Variants in DDX27 observed in about 807,000 individuals in gnomAD.
DDX27 encodes the protein DEAD-box helicase 27, also known as probable ATP-dependent RNA helicase DDX27.
DDX27 carries 42 observed loss-of-function variants against 99.3 expected under a neutral mutation model. The observed-to-expected ratio is 0.42, with a 90% CI of 0.33 to 0.55. The LOEUF is 0.55. Among genes scored for constraint, DDX27 ranks in the 20% least tolerant of loss-of-function variants. The pLI is 0.07. For synonymous variants in DDX27, 329 were observed against 353.8 expected, an observed-to-expected ratio of 0.93 and a Z score of 0.79; for missense variants, 798 against 976.8, an observed-to-expected ratio of 0.82 and a Z score of 2.44.
chr20:49,239,174 C>A, intron 15 of DDX27, 62 bp from the exon 16 acceptor site: 2 of 1,556,602 alleles, frequency 1.3e-6, no homozygotes, highest in Non-Finnish European at 1.8e-6. Context: ...ATTTGCAGCC[C>A]GTGGCTTCCT....
rs1416215962 is a variant in DDX27, at chr20:49,234,948, G to T, written c.1287G>T (p.Arg429Ser). The T allele has an allele frequency of 5.0e-6, 8 of 1,603,934 alleles. No individual in the cohort carries two copies. Among genetic ancestry groups the T allele is most frequent in the Non-Finnish European group, 6.8e-6 (8 of 1,174,428 alleles). Residue 429 changes from arginine (R) to serine (S), a missense_variant, in exon 12 of 21, where the codon AGG (arginine) becomes AGT (serine). Physicochemically the swap from Arg to Ser is moderately radical, Grantham distance 110. Coordinates refer to ENST00000618172, the MANE Select transcript of DDX27 (RefSeq NM_017895.8). The stretch of plus-strand genomic sequence containing the variant: ...TCTTCCTGCCAGCTTTGTTGACGAG[G>T]ACCTTCACTGACCATGTGATGCTGT... ...REAIVAALLT[R>S]TFTDHVMLFT...
At chr20:49,241,821 G>A (rs773672521) in intron 16 of DDX27, 72 bp from the exon 17 acceptor site, 26 of 1,502,226 alleles carry the variant, frequency 1.7e-5, no homozygotes, top group Middle Eastern at 1.7e-4. Context: ...AATTGAAAAC[G>A]TGCACTTCTT....
chr20:49,226,857 C>CTT lies in DDX27; in HGVS notation c.706+344_706+345dup, dbSNP rs36048579. Among the ~76,000 whole-genome samples the CTT allele has an allele frequency of 5.9e-3, 373 of 63,434 alleles. 19 individuals carry two copies. Among genetic ancestry groups the CTT allele is most frequent in the African/African-American group, 0.011 (177 of 15,428 alleles). 41.6% of individuals were successfully genotyped at this position (63,434 alleles called of 152,430 possible). ...CTGGTGCAATTGAGAGAGTAAAGGA[C>CTT]TTTTTTTTTTTTTTTTTTTTTTTGA... On this transcript the variant is annotated intron_variant, in intron 7 of 20. Transcript: ENST00000618172.
At chr20:49,233,035 T>C (rs1352626180) in intron 9 of DDX27, among the ~76,000 whole-genome samples, 1 of 152,052 alleles carries the variant, frequency 6.6e-6, no homozygotes, top group Non-Finnish European at 1.5e-5. Flanking sequence ...GTTGATGAAG[T>C]TGTGTTTCTG....
intron 3 of DDX27, 35 bp downstream of exon 3, chr20:49,223,051 G>A (rs1308927001): frequency 1.9e-6 from 3 of 1,589,928 alleles, no homozygotes; most frequent in African/African-American, 1.3e-5. Flanking sequence ...CGTTGTTAGG[G>A]CCCACTCTTT....
chr20:49,229,919 TG>T (rs1281419771), intron 8 of DDX27, among the ~76,000 whole-genome samples: 3 of 152,130 alleles, frequency 2.0e-5, no homozygotes, highest in Non-Finnish European at 4.4e-5. Context: ...GTGCTGGGAT[TG>T]ATTACAGGCA....
At chr20:49,226,034 G>A (rs1395453767) in intron 6 of DDX27, among the ~76,000 whole-genome samples, 1 of 152,076 alleles carries the variant, frequency 6.6e-6, no homozygotes. Flanking sequence ...AATCTTTTGG[G>A]GTGCTCTCTA....
At chr20:49,223,130 C>A in intron 3 of DDX27, 114 bp downstream of exon 3, 1 of 1,356,612 alleles carries the variant, frequency 7.4e-7, no homozygotes, top group Non-Finnish European at 1.0e-6. Context: ...GGCAGGCGCA[C>A]TCTTCTGTGT....
chr20:49,226,964 G>A (rs1243626537), intron 7 of DDX27, among the ~76,000 whole-genome samples: 3 of 141,932 alleles, frequency 2.1e-5, no homozygotes, highest in African/African-American at 7.9e-5. Flanking sequence ...CCGGGTTCAC[G>A]CCATTCTCCT....
intron 20 of DDX27, 43 bp from the exon 21 acceptor site, chr20:49,243,773 C>T: frequency 6.2e-7 from 1 of 1,614,098 alleles, no homozygotes; most frequent in Non-Finnish European, 8.5e-7. Flanking sequence ...GGAAAAGAAG[C>T]TTCTCCATCC....
intron 6 of DDX27, among the ~76,000 whole-genome samples, chr20:49,225,820 TC>T (rs1436648407): frequency 6.6e-6 from 1 of 152,060 alleles, no homozygotes; most frequent in Non-Finnish European, 1.5e-5. Context: ...CTTCAGTACT[TC>T]CCAGTCTCAC....
chr20:49,219,571 C>G (rs1979554577), intron 1 of DDX27, 30 bp downstream of exon 1: 1 of 1,570,010 alleles, frequency 6.4e-7, no homozygotes, highest in Non-Finnish European at 8.7e-7. Context: ...CTTTGGGTTT[C>G]CTTGACTGCT....
chr20:49,239,171 G>A, intron 15 of DDX27, 65 bp from the exon 16 acceptor site: 1 of 1,555,772 alleles, frequency 6.4e-7, no homozygotes, highest in Non-Finnish European at 8.9e-7. Context: ...GGCATTTGCA[G>A]CCCGTGGCTT....
intron 11 of DDX27, 55 bp from the exon 12 acceptor site, chr20:49,234,880 C>G: frequency 6.5e-7 from 1 of 1,534,994 alleles, no homozygotes; most frequent in Non-Finnish European, 8.8e-7. Flanking sequence ...GGAGGGGGTA[C>G]ATGTTGAATA....
At chr20:49,243,134 C>G (rs546604356) in intron 19 of DDX27, among the ~76,000 whole-genome samples, 2 of 152,248 alleles carry the variant, frequency 1.3e-5, no homozygotes, top group African/African-American at 2.4e-5. Flanking sequence ...CTGTTCTCCA[C>G]CCCCCACCCC....
chr20:49,239,108 C>T lies in DDX27; in HGVS notation c.1794+53C>T, dbSNP rs562922298. 111 of 1,537,598 alleles carry T rather than the reference C, an allele frequency of 7.2e-5. 1 individual carries two copies. The Middle Eastern group carries it at 1.0e-3, about 14-fold the overall frequency. On this transcript the variant is annotated intron_variant, in intron 15 of 20. Transcript: ENST00000618172. ...ACAAGGCTGCTCAGTAAGCAAGCTG[C>T]TGCATCCCTGCTGGTGCTGCCCTTC... is the stretch of plus-strand genomic sequence containing the variant.
Position 49,221,454 on chromosome 20 carries a change from G to A in DDX27, c.96G>A (p.Gly32=), listed in dbSNP as rs768667619. The change falls in exon 2 of 21, where the codon GGG becomes GGA. Residue 32 remains glycine (G), a splice_region_variant and synonymous_variant. Coordinates refer to ENST00000618172, the MANE Select transcript of DDX27 (RefSeq NM_017895.8). ...ESDSGDEEEE[G]PIVLGRRQKA... ...ACTCTGTCTCTTACTCTTCCCAGGG[G>A]CCCATTGTGCTGGGCAGACGACAAA... 1.1e-5 allele frequency: 17 copies of A among 1,612,966 alleles called. No individual in the cohort carries two copies. Among genetic ancestry groups the A allele is most frequent in the South Asian group, 2.2e-5 (2 of 91,024 alleles).
intron 12 of DDX27, chr20:49,235,670 T>C (rs2146717035): frequency 6.4e-6 from 1 of 156,008 alleles, no homozygotes; most frequent in East Asian, 1.9e-4. Flanking sequence ...GATACAGAAC[T>C]ACGTTTGCTC....
At chr20:49,235,418 C>T in intron 12 of DDX27, 2 of 228,734 alleles carry the variant, frequency 8.7e-6, no homozygotes. Context: ...ATTCCTGGGT[C>T]TGATTGAACA....
Sources: gnomAD v4.1 joint callset for allele counts (sites outside exome capture counted in the v4.1 genomes callset) on GRCh38, gnomAD v4.1.1 for gene constraint, MANE v1.5 for transcripts, NCBI Gene and HGNC (gene_info 2026-07-23, HGNC 2026-07-21) for gene names.